Variants in RTEL1 observed in about 807,000 individuals in gnomAD.
The protein encoded by RTEL1 is regulator of telomere length.
In RTEL1, 86 loss-of-function variants were observed where a neutral mutation model predicts 162.2. The observed-to-expected ratio is 0.53, with a 90% CI of 0.45 to 0.63. The LOEUF (loss-of-function observed/expected upper bound fraction) is 0.63. Among genes scored for constraint, RTEL1 ranks in the 30% least tolerant of loss-of-function variants. The pLI is 0.00. For synonymous variants in RTEL1, 958 were observed against 717.9 expected (o/e 1.33, Z -5.35); for missense variants, 1,941 against 1,750.2 (o/e 1.11, Z -1.95).
intron 12 of RTEL1, among the ~76,000 whole-genome samples, chr20:63,679,295 C>T (rs1402460384): frequency 6.6e-6 from 1 of 152,150 alleles, no homozygotes; most frequent in Admixed American, 6.5e-5. Flanking sequence ...CAGGTGGAGC[C>T]ACTGTCCTCA....
intron 21 of RTEL1, chr20:63,688,819 G>C: frequency 1.6e-6 from 1 of 634,982 alleles, no homozygotes; most frequent in Non-Finnish European, 2.7e-6. Context: ...TGGCCCTCCT[G>C]TCTGAGTAGC....
At chr20:63,681,576 G>A in intron 14 of RTEL1, 1 of 985,380 alleles carries the variant, frequency 1.0e-6, no homozygotes, top group Non-Finnish European at 1.2e-6. Context: ...GGCCGCAGAA[G>A]AACCCTGGGA....
intron 30 of RTEL1, among the ~76,000 whole-genome samples, chr20:63,693,555 T>TCCACCACCTCCACCA (rs1568720849): frequency 3.1e-4 from 1 of 3,208 alleles, no homozygotes; most frequent in Non-Finnish European, 5.8e-4. Context: ...CACCACCACC[T>TCCACCACCTCCACCA]CCACCTCCAC....
intron 8 of RTEL1, among the ~76,000 whole-genome samples, chr20:63,671,915 A>T (rs1333988688): frequency 6.6e-6 from 1 of 150,900 alleles, no homozygotes; most frequent in Non-Finnish European, 1.5e-5. Flanking sequence ...ATGAAGTCTC[A>T]CTCTGTCGCC....
At chr20:63,682,275 G>A (rs952708747) in intron 14 of RTEL1, 3 of 984,760 alleles carry the variant, frequency 3.0e-6, no homozygotes, top group African/African-American at 3.5e-5. Context: ...ATCCTGGAAC[G>A]CGGCCTCCCA....
intron 30 of RTEL1, among the ~76,000 whole-genome samples, chr20:63,693,612 T>TCCACCA (rs1568721166): frequency 7.4e-4 from 2 of 2,718 alleles, no homozygotes; most frequent in Non-Finnish European, 1.3e-3. Context: ...CACCACCACC[T>TCCACCA]CCACCTCCAC....
At chr20:63,689,703 C>T (rs1379811281) in intron 23 of RTEL1, 47 bp from the exon 24 acceptor site, 3 of 1,604,404 alleles carry the variant, frequency 1.9e-6, no homozygotes, top group Non-Finnish European at 2.6e-6. Context: ...TGAGCCCCCG[C>T]CCCGTGGCCA....
rs73317984 is a variant in RTEL1 at position 63,677,204 on chromosome 20, T to G, written c.920-941T>G. 1.3e-3 allele frequency among the ~76,000 whole-genome samples: 199 copies of G among 152,344 alleles called. 2 individuals are homozygous for G. The highest frequency in any genetic ancestry group is 4.7e-3 in the African/African-American group (197 of 41,566). ...GCTTTCTTTTCCTGCAAGACGGTATTTCAAGACCCGCCATGCGGCAGCGGG... is the reference window on the plus strand; with the variant it reads ...GCTTTCTTTTCCTGCAAGACGGTATGTCAAGACCCGCCATGCGGCAGCGGG... On this transcript the variant is annotated intron_variant, in intron 10 of 34. Coordinates refer to ENST00000360203, the MANE Select transcript of RTEL1 (RefSeq NM_001283009.2).
chr20:63,688,423 G>C (rs1490558099), intron 20 of RTEL1, 37 bp downstream of exon 20: 1 of 1,608,702 alleles, frequency 6.2e-7, no homozygotes, highest in South Asian at 1.1e-5. Context: ...GGTGGGTGAG[G>C]GCAGGGCTGG....
intron 12 of RTEL1, among the ~76,000 whole-genome samples, chr20:63,679,079 G>C (rs937664409): frequency 6.6e-6 from 1 of 152,138 alleles, no homozygotes; most frequent in Non-Finnish European, 1.5e-5. Context: ...ACCTCTTTTG[G>C]ACTCCGGGAG....
At chr20:63,692,481 T>G (rs753272938) in intron 28 of RTEL1, 7 of 416,562 alleles carry the variant, frequency 1.7e-5, no homozygotes, top group Non-Finnish European at 2.7e-5. Context: ...GCATCCGCTG[T>G]GGGGCAGGGG....
intron 14 of RTEL1, among the ~76,000 whole-genome samples, chr20:63,684,219 C>T (rs920718210): frequency 1.3e-5 from 2 of 152,168 alleles, no homozygotes; most frequent in Admixed American, 6.5e-5. Flanking sequence ...TTTCCCAGCA[C>T]GCCACACCGG....
At position 63,666,096 on chromosome 20, in the gene RTEL1, A is replaced by C. The variant is rs1364370191; in HGVS notation, c.614+17A>C. ...CAAGCACAGGTGAGACCCCTCAGTG[A>C]GGCCACGACCACTGTCCTTCCATGG... On this transcript the variant is annotated intron_variant, in intron 7 of 34. Transcript: ENST00000360203. 2.4e-5 allele frequency: 38 copies of C among 1,607,736 alleles called. No individual in the cohort carries two copies. Among genetic ancestry groups the C allele is most frequent in the Non-Finnish European group, 3.1e-5 (36 of 1,174,440 alleles).
intron 27 of RTEL1, 130 bp downstream of exon 27, chr20:63,691,077 A>G (rs992266712): frequency 1.7e-5 from 18 of 1,041,598 alleles, no homozygotes; most frequent in Middle Eastern, 3.1e-4. Flanking sequence ...CAGGCGGGCA[A>G]GCGGGCGGGG....
chr20:63,681,452 C>T (rs969754697), intron 14 of RTEL1: 2 of 985,202 alleles, frequency 2.0e-6, no homozygotes, highest in Admixed American at 1.2e-4. Context: ...CTCTGTGCTG[C>T]CCACGCTGTA....
At chr20:63,682,790 C>A in intron 14 of RTEL1, 1 of 738,244 alleles carries the variant, frequency 1.4e-6, no homozygotes, top group Non-Finnish European at 1.7e-6. Context: ...TGGAGGCGAA[C>A]TCCAGGCAGG....
intron 12 of RTEL1, among the ~76,000 whole-genome samples, chr20:63,679,265 G>A (rs1024093484): frequency 4.6e-5 from 7 of 152,142 alleles, no homozygotes; most frequent in Non-Finnish European, 8.8e-5. Context: ...CGACCTGGTC[G>A]GGGGAATCCC....
rs1310268975 is a variant in RTEL1 at position 63,694,991 on chromosome 20, TG to T, written c.3343+21del. 1.2e-6 allele frequency: 2 copies of T among 1,609,938 alleles called. No individual in the cohort carries two copies. Among genetic ancestry groups the T allele is most frequent in the East Asian group, 4.5e-5 (2 of 44,802 alleles). On this transcript the variant is annotated intron_variant, in intron 32 of 34. Transcript: ENST00000360203. Reference sequence around the variant, plus strand: ...TGCTGCACAGCAAGTGGCCCTGGCGTGGGGAACAGCCGGTGGGGTGGGGGGC... The same window carrying T: ...TGCTGCACAGCAAGTGGCCCTGGCGTGGGAACAGCCGGTGGGGTGGGGGGC...
intron 1 of RTEL1, 145 bp downstream of exon 1, chr20:63,658,611 C>T (rs997525258): frequency 6.6e-6 from 1 of 152,292 alleles, no homozygotes; most frequent in Non-Finnish European, 1.5e-5. Context: ...CATTTTGGGA[C>T]CTGTAGTTTC....
Sources: allele counts gnomAD v4.1 joint callset (sites outside exome capture counted in the v4.1 genomes callset), GRCh38; gene constraint gnomAD v4.1.1; transcripts MANE v1.5; gene names NCBI Gene and HGNC (gene_info 2026-07-23, HGNC 2026-07-21).